PVT1: variants seen among roughly 807,000 people sequenced by gnomAD.
The protein encoded by PVT1 is Pvt1 oncogene.
At chr8:128,033,701 G>A (rs1420311726) in intron 4 of PVT1, among the ~76,000 whole-genome samples, 3 of 152,194 alleles carry the variant, frequency 2.0e-5, no homozygotes, top group Non-Finnish European at 2.9e-5. Context: ...AACTGAAACT[G>A]ACTTGGGGCT....
At position 127,840,330 on chromosome 8, in the gene PVT1, AGGAGAC is replaced by A. The variant is rs574487875; in HGVS notation, n.372+44261_372+44266del. On this transcript the variant is annotated intron_variant and non_coding_transcript_variant, in intron 2 of 10. Coordinates refer to ENST00000651587, the Ensembl canonical transcript of PVT1. The stretch of plus-strand genomic sequence containing the variant: ...AGGCCCTTTCCTCCAATGTCTTCAG[AGGAGAC>A]GTCTGCCCAGTCCAGACTACGTGCC... 5.9e-5 allele frequency among the ~76,000 whole-genome samples: 9 copies of A among 152,326 alleles called. No homozygotes were observed. The South Asian group carries it at 1.9e-3, about 32-fold the overall frequency.
At chr8:127,799,330 A>C (rs925709333) in intron 2 of PVT1, among the ~76,000 whole-genome samples, 2 of 152,290 alleles carry the variant, frequency 1.3e-5, no homozygotes, top group South Asian at 4.1e-4. Flanking sequence ...AGGCTGAGGC[A>C]GGAGGATTGC....
chr8:127,995,932 T>G (rs1403486811), intron 4 of PVT1, among the ~76,000 whole-genome samples: 1 of 152,076 alleles, frequency 6.6e-6, no homozygotes, highest in Non-Finnish European at 1.5e-5. Context: ...AAGGCTAATG[T>G]TTAGAAGCTT....
intron 2 of PVT1, chr8:127,851,828 T>C (rs1815110261): frequency 6.6e-6 from 1 of 152,560 alleles, no homozygotes; most frequent in Admixed American, 6.5e-5. Flanking sequence ...GGGGGCTCTG[T>C]GCTCTGTGGC....
At chr8:127,805,449 A>C (rs1006725218) in intron 2 of PVT1, among the ~76,000 whole-genome samples, 2 of 152,020 alleles carry the variant, frequency 1.3e-5, no homozygotes, top group East Asian at 3.9e-4. Flanking sequence ...ATTGTGGTTC[A>C]TGAGATTTGC....
chr8:128,048,247 T>C (rs1813643884), intron 4 of PVT1, among the ~76,000 whole-genome samples: 1 of 152,220 alleles, frequency 6.6e-6, no homozygotes, highest in Admixed American at 6.5e-5. Flanking sequence ...CAATAGGCTT[T>C]CCACTAATAT....
At chr8:127,889,296 AT>A (rs1815569207) in intron 2 of PVT1, among the ~76,000 whole-genome samples, 1 of 151,640 alleles carries the variant, frequency 6.6e-6, no homozygotes, top group South Asian at 2.1e-4. Context: ...CACCCAGCTA[AT>A]TTTTGTATTT....
chr8:127,914,456 C>T (rs1394695193), intron 3 of PVT1, among the ~76,000 whole-genome samples: 1 of 152,118 alleles, frequency 6.6e-6, no homozygotes, highest in Admixed American at 6.5e-5. Flanking sequence ...CAATTCCACT[C>T]CTAGGTGTAT....
At chr8:127,933,316 C>T (rs1054175108) in intron 3 of PVT1, among the ~76,000 whole-genome samples, 1 of 152,186 alleles carries the variant, frequency 6.6e-6, no homozygotes, top group Non-Finnish European at 1.5e-5. Flanking sequence ...CTCAGGTGAT[C>T]CACCTGCCTT....
chr8:127,849,996 CATAT>C (rs1313514602), intron 2 of PVT1, among the ~76,000 whole-genome samples: 1 of 150,190 alleles, frequency 6.7e-6, no homozygotes. Context: ...ACAGCCTGTA[CATAT>C]GTGTATTTGT....
At chr8:128,087,041 T>C (rs775726908) in intron 5 of PVT1, among the ~76,000 whole-genome samples, 36 of 152,248 alleles carry the variant, frequency 2.4e-4, no homozygotes, top group Non-Finnish European at 3.7e-4. Flanking sequence ...GGTTGCACGA[T>C]CAGTGCCCAA....
intron 2 of PVT1, among the ~76,000 whole-genome samples, chr8:127,813,889 T>C (rs1462657949): frequency 6.6e-6 from 1 of 152,110 alleles, no homozygotes; most frequent in Non-Finnish European, 1.5e-5. Flanking sequence ...TTCAAGCAAT[T>C]CTTCTGCCTC....
chr8:128,091,313 G>A (rs963184010), intron 5 of PVT1, among the ~76,000 whole-genome samples: 2 of 152,158 alleles, frequency 1.3e-5, no homozygotes, highest in Non-Finnish European at 2.9e-5. Flanking sequence ...GGCCAAGTCC[G>A]GTACTCGTCC....
At chr8:128,067,021 GTATCC>G (rs1813919225) in intron 4 of PVT1, among the ~76,000 whole-genome samples, 1 of 152,050 alleles carries the variant, frequency 6.6e-6, no homozygotes, top group Admixed American at 6.6e-5. Context: ...TGTCCTGTGG[GTATCC>G]TTTAAATCTG....
intron 3 of PVT1, among the ~76,000 whole-genome samples, chr8:127,953,378 C>G (rs1273093449): frequency 6.6e-6 from 1 of 152,150 alleles, no homozygotes; most frequent in Admixed American, 6.6e-5. Flanking sequence ...TGCCTGAGAA[C>G]CTGACTCAAA....
At chr8:127,815,859 C>T (rs1383568420) in intron 2 of PVT1, among the ~76,000 whole-genome samples, 2 of 152,192 alleles carry the variant, frequency 1.3e-5, no homozygotes, top group African/African-American at 2.4e-5. Context: ...GGTGTGGTGG[C>T]TCATGCCTGT....
intron 1 of PVT1, among the ~76,000 whole-genome samples, chr8:127,794,983 C>A (rs1298387452): frequency 6.6e-6 from 1 of 152,106 alleles, no homozygotes; most frequent in East Asian, 1.9e-4. Flanking sequence ...TGAACTTGAT[C>A]AAAGGCATAT....
At chr8:128,092,337 T>A (rs761521974) in intron 5 of PVT1, among the ~76,000 whole-genome samples, 1 of 151,368 alleles carries the variant, frequency 6.6e-6, no homozygotes, top group Non-Finnish European at 1.5e-5. Flanking sequence ...AGCTCTTCCC[T>A]TCCCCTCCCC....
chr8:127,863,048 A>T (rs185000947), intron 2 of PVT1, among the ~76,000 whole-genome samples: 8 of 152,094 alleles, frequency 5.3e-5, no homozygotes, highest in African/African-American at 1.7e-4. Flanking sequence ...GAATACAAGG[A>T]TCTACCCCAT....
Sources: allele counts gnomAD v4.1 joint callset (sites outside exome capture counted in the v4.1 genomes callset), GRCh38; gene constraint gnomAD v4.1.1; transcripts MANE v1.5; gene names NCBI Gene and HGNC (gene_info 2026-07-23, HGNC 2026-07-21).